The following EIF4B variants were observed in gnomAD, a reference collection of about 807,000 sequenced individuals.
EIF4B encodes the protein eukaryotic translation initiation factor 4B.
Under a neutral mutation model 79.3 loss-of-function variants are expected in EIF4B, and 8 were observed. The ratio of observed to expected loss-of-function variants is 0.10; its 90% confidence interval spans 0.06 to 0.18. The LOEUF (loss-of-function observed/expected upper bound fraction) is 0.18. Ranked by LOEUF, EIF4B falls within the 10% of genes least tolerant of loss-of-function variation. The pLI is 1.00. For missense variants in EIF4B, 515 were observed against 792.4 expected (o/e 0.65, Z 4.20); for synonymous variants, 238 against 274.7 (o/e 0.87, Z 1.32).
chr12:53,017,907 T>C (rs571092293), intron 2 of EIF4B, among the ~76,000 whole-genome samples: 1 of 152,320 alleles, frequency 6.6e-6, no homozygotes, highest in Non-Finnish European at 1.5e-5. Context: ...GGAAATTTTA[T>C]ATAGGTCGTA....
chr12:53,039,603 C>T (rs1487121277), intron 13 of EIF4B, 27 bp from the exon 14 acceptor site: 6 of 1,612,650 alleles, frequency 3.7e-6, no homozygotes, highest in Non-Finnish European at 5.1e-6. Context: ...TTCCTAAAGA[C>T]ATGGTTTTAT....
chr12:53,019,445 T>C (rs1258217172), intron 3 of EIF4B, among the ~76,000 whole-genome samples: 2 of 111,276 alleles, frequency 1.8e-5, no homozygotes, highest in South Asian at 3.3e-4. Flanking sequence ...ATATTTTTTT[T>C]TTTTCTTTTT....
Position 53,016,403 on chromosome 12 carries a change from A to C in EIF4B, c.14-70A>C. On this transcript the variant is annotated intron_variant, in intron 1 of 14. Transcript: ENST00000262056. ...ATTTCTTTCTAAATAATGTTTTACA[A>C]TATTGCATTGTACAACTCTGTAAAT... 8.2e-6 allele frequency: 13 copies of C among 1,582,892 alleles called. No individual in the cohort carries two copies. In the Admixed American group the frequency reaches 1.6e-4, roughly 20 times the overall value.
chr12:53,032,481 A>T (rs530017030), intron 8 of EIF4B, among the ~76,000 whole-genome samples: 1 of 152,322 alleles, frequency 6.6e-6, no homozygotes, highest in South Asian at 2.1e-4. Context: ...TTAGTTCTTA[A>T]CATGCAGATT....
At position 53,037,334 on chromosome 12, in the gene EIF4B, C is replaced by T. The variant is rs1349595047; in HGVS notation, c.1307-75C>T. On this transcript the variant is annotated intron_variant, in intron 10 of 14. Coordinates refer to ENST00000262056, the MANE Select transcript of EIF4B (RefSeq NM_001417.7). ...CAAAACTTGGATGTGGACCATTTTC[C>T]ACACTGTTGAGATCCTGGTAGATGC... The T allele has an allele frequency of 4.6e-6, 7 of 1,505,686 alleles. No individual in the cohort carries two copies. The Admixed American group carries it at 1.0e-4, about 22-fold the overall frequency. 93.3% of individuals were successfully genotyped at this position (1,505,686 alleles called of 1,614,324 possible). A position where few individuals can be genotyped will look rare whatever the true frequency, so the allele number is the denominator to read the frequency against.
chr12:53,039,051 T>A (rs1943586397), intron 12 of EIF4B, 187 bp from the exon 13 acceptor site: 2 of 489,604 alleles, frequency 4.1e-6, no homozygotes, highest in South Asian at 6.2e-5. Context: ...TTTTGTTTGT[T>A]TTTTGTATTT....
In EIF4B at chr12:53,033,879, C is replaced by T. The variant is rs1041752970; in HGVS notation, c.1053C>T (p.Thr351=). ...TPKEDDSSAS[T]SQSTRAASIF... ...AGGAAGATGATTCCTCTGCTAGTAC[C>T]TCCCAGTCCACTCGAGCTGCTTCTA... Residue 351 remains threonine, a synonymous_variant, in exon 9 of 15, where the codon ACC becomes ACT. Coordinates refer to ENST00000262056, the MANE Select transcript of EIF4B (RefSeq NM_001417.7). 8 of 1,614,076 alleles carry T rather than the reference C, an allele frequency of 5.0e-6. No homozygotes were observed. The highest frequency in any genetic ancestry group is 1.7e-5 in the Admixed American group (1 of 60,022).
intron 1 of EIF4B, among the ~76,000 whole-genome samples, chr12:53,008,190 T>C (rs568351998): frequency 6.6e-6 from 1 of 152,342 alleles, no homozygotes; most frequent in East Asian, 1.9e-4. Flanking sequence ...TTCTTAACTT[T>C]TGTGTAATTT....
In EIF4B at chr12:53,019,800, T is replaced by A. The variant is rs1943219006; in HGVS notation, c.361-110T>A. 8 of 961,084 alleles carry A rather than the reference T, an allele frequency of 8.3e-6. No homozygotes were observed. In the South Asian group the frequency reaches 1.2e-4, roughly 15 times the overall value. The allele number at this position is 961,084 out of a possible 1,614,324, so 59.5% of individuals were successfully genotyped here. On this transcript the variant is annotated intron_variant, in intron 3 of 14. Transcript: ENST00000262056. Reference sequence around the variant, plus strand: ...TCCTCCTGAGACAACCATGTTCTTGTGTATTCAGAAAAATTCATGCACATA... The same window carrying A: ...TCCTCCTGAGACAACCATGTTCTTGAGTATTCAGAAAAATTCATGCACATA...
At chr12:53,016,675 A>G (rs918603501) in intron 2 of EIF4B, 65 bp downstream of exon 2, 10 of 1,503,472 alleles carry the variant, frequency 6.7e-6, no homozygotes, top group Non-Finnish European at 8.0e-6. Flanking sequence ...CTATTACATA[A>G]TAATTCACAT....
chr12:53,027,146 T>A (rs1395416966), intron 6 of EIF4B, among the ~76,000 whole-genome samples: 1 of 118,500 alleles, frequency 8.4e-6, no homozygotes, highest in African/African-American at 2.8e-5. Flanking sequence ...AATTTTTTTT[T>A]TTTTTTTTTT....
intron 1 of EIF4B, chr12:53,013,700 TCACTTGAACCTGGG>T (rs1398046517): frequency 6.6e-6 from 1 of 151,210 alleles, no homozygotes; most frequent in Non-Finnish European, 1.5e-5. Context: ...GGCAGGAGAA[TCACTTGAACCTGGG>T]AGGCAGAGGT....
intron 10 of EIF4B, among the ~76,000 whole-genome samples, chr12:53,036,465 G>A (rs888170210): frequency 6.6e-6 from 1 of 150,826 alleles, no homozygotes; most frequent in African/African-American, 2.4e-5. Flanking sequence ...GGAGTGCAGT[G>A]GTGCGATCAT....
chr12:53,011,627 T>G (rs1301768674), intron 1 of EIF4B, among the ~76,000 whole-genome samples: 1 of 152,250 alleles, frequency 6.6e-6, no homozygotes, highest in Non-Finnish European at 1.5e-5. Flanking sequence ...AGTGCTGAGA[T>G]AGAGAAACTC....
At chr12:53,006,579 G>C in intron 1 of EIF4B, 83 bp downstream of exon 1, 1 of 1,608,116 alleles carries the variant, frequency 6.2e-7, no homozygotes, top group East Asian at 2.2e-5. Flanking sequence ...TGAAGTCGGG[G>C]AATTGCTGGC....
At chr12:53,022,736 A>T in intron 6 of EIF4B, 109 bp downstream of exon 6, 2 of 1,335,258 alleles carry the variant, frequency 1.5e-6, no homozygotes, top group South Asian at 4.4e-5. Context: ...AGAAGGAGGA[A>T]AGCAGATTAA....
chr12:53,035,176 A>G (rs912948686), intron 10 of EIF4B, among the ~76,000 whole-genome samples: 2 of 151,390 alleles, frequency 1.3e-5, no homozygotes, highest in East Asian at 3.9e-4. Flanking sequence ...TTCAATTGTA[A>G]TACCTCCCTT....
At chr12:53,030,534 G>A (rs1229102797) in intron 8 of EIF4B, among the ~76,000 whole-genome samples, 1 of 144,344 alleles carries the variant, frequency 6.9e-6, no homozygotes, top group Non-Finnish European at 1.5e-5. Context: ...TGATTCTCCT[G>A]CCTCAGCTTC....
At chr12:53,027,322 C>T (rs192533859) in intron 6 of EIF4B, among the ~76,000 whole-genome samples, 1 of 150,614 alleles carries the variant, frequency 6.6e-6, no homozygotes, top group African/African-American at 2.4e-5. Context: ...TTAGTAGAGA[C>T]GGGGTTTCAC....
Sources: allele counts gnomAD v4.1 joint callset (sites outside exome capture counted in the v4.1 genomes callset), GRCh38; gene constraint gnomAD v4.1.1; transcripts MANE v1.5; gene names NCBI Gene and HGNC (gene_info 2026-07-23, HGNC 2026-07-21).